The following EDAR variants were observed in gnomAD, a reference collection of about 807,000 sequenced individuals.
EDAR encodes the protein tumor necrosis factor receptor superfamily member EDAR.
Under a neutral mutation model 51.3 loss-of-function variants are expected in EDAR, and 38 were observed. The observed-to-expected ratio is 0.74, with a 90% CI of 0.57 to 0.97. The LOEUF is 0.97. EDAR is among the 50% of genes least tolerant of loss of function. The pLI is 0.00. For missense variants in EDAR, 528 were observed against 595.0 expected (o/e 0.89, Z 1.17); for synonymous variants, 227 against 242.1 (o/e 0.94, Z 0.58).
intron 4 of EDAR, among the ~76,000 whole-genome samples, chr2:108,927,540 T>C (rs557604892): frequency 3.3e-5 from 5 of 152,252 alleles, no homozygotes; most frequent in Admixed American, 1.3e-4. Flanking sequence ...ATGGACACCT[T>C]CTCAGGTCTG....
At position 108,911,052 on chromosome 2, in the gene EDAR, G is replaced by A; in HGVS notation, c.550C>T (p.Leu184=). 1 of 1,614,204 alleles carries A rather than the reference G, an allele frequency of 6.2e-7. No individual in the cohort carries two copies. Among genetic ancestry groups the A allele is most frequent in the South Asian group, 1.1e-5 (1 of 91,082 alleles). The part of the protein sequence containing the change: ...AHKELSGQGH[L]ATALIIAMST... ...ATTGCAATGATCAGGGCAGTGGCCA[G>A]GTGTCCTTGGCCTGAGAGTTCTGTG... The change falls in exon 7 of 12, where the codon CTG becomes TTG. Residue 184 remains leucine (L), a synonymous_variant. Transcript: ENST00000258443.
At chr2:108,968,588 T>C (rs1428329235) in intron 1 of EDAR, among the ~76,000 whole-genome samples, 1 of 152,216 alleles carries the variant, frequency 6.6e-6, no homozygotes, top group East Asian at 1.9e-4. Context: ...AGTCTGTCTG[T>C]GGCGCCTCCT....
chr2:108,982,332 C>A (rs1461133016), intron 1 of EDAR, among the ~76,000 whole-genome samples: 2 of 152,196 alleles, frequency 1.3e-5, no homozygotes, highest in Non-Finnish European at 2.9e-5. Context: ...AAGCCTCAGA[C>A]CCTCCCTGGT....
chr2:108,956,941 A>C (rs962574336), intron 1 of EDAR, among the ~76,000 whole-genome samples: 2 of 151,996 alleles, frequency 1.3e-5, no homozygotes, highest in African/African-American at 2.4e-5. Flanking sequence ...GGCACCTACC[A>C]CCACGCCCCG....
At chr2:108,929,056 G>T in intron 4 of EDAR, 142 bp downstream of exon 4, 1 of 968,810 alleles carries the variant, frequency 1.0e-6, no homozygotes. Flanking sequence ...GCTGCTCCTT[G>T]TGGGATGGGA....
intron 1 of EDAR, among the ~76,000 whole-genome samples, chr2:108,969,135 G>A (rs1384395810): frequency 6.6e-6 from 1 of 152,124 alleles, no homozygotes; most frequent in Non-Finnish European, 1.5e-5. Flanking sequence ...ATTCAACAAG[G>A]GTGATGAAGA....
chr2:108,983,250 C>T (rs1224001705), intron 1 of EDAR, among the ~76,000 whole-genome samples: 1 of 152,136 alleles, frequency 6.6e-6, no homozygotes, highest in Non-Finnish European at 1.5e-5. Context: ...TTAGGAACAG[C>T]CATTTTGAGT....
intron 1 of EDAR, among the ~76,000 whole-genome samples, chr2:108,982,568 A>C (rs1698437292): frequency 6.6e-6 from 1 of 152,260 alleles, no homozygotes; most frequent in Non-Finnish European, 1.5e-5. Flanking sequence ...CAACTGTGAT[A>C]ATCATCAGGA....
chr2:108,927,990 G>A lies in EDAR; in HGVS notation c.356+1208C>T, dbSNP rs370101837. On this transcript the variant is annotated intron_variant, in intron 4 of 11. Coordinates refer to ENST00000258443, the MANE Select transcript of EDAR (RefSeq NM_022336.4). ...CAGATTCTTCCTCTCCTCCACCCCC[G>A]GTGCCTCTGCTCCAGCCCTCTCCCT... Among the ~76,000 whole-genome samples the A allele has an allele frequency of 5.9e-5, 9 of 151,952 alleles. No homozygotes were observed. In the East Asian group the frequency reaches 1.6e-3, roughly 26 times the overall value.
chr2:108,929,136 G>C, intron 4 of EDAR, 62 bp downstream of exon 4: 1 of 1,593,422 alleles, frequency 6.3e-7, no homozygotes, highest in Non-Finnish European at 8.6e-7. Context: ...GTCCTTGCCC[G>C]TAGCCCCTCG....
At chr2:108,974,324 C>A (rs1183202411) in intron 1 of EDAR, among the ~76,000 whole-genome samples, 3 of 93,006 alleles carry the variant, frequency 3.2e-5, no homozygotes, top group South Asian at 5.2e-4. Flanking sequence ...AGCGAGGATC[C>A]GTCTCAAAAA....
chr2:108,908,732 A>C (rs1382755070), intron 9 of EDAR, among the ~76,000 whole-genome samples: 1 of 152,226 alleles, frequency 6.6e-6, no homozygotes, highest in Non-Finnish European at 1.5e-5. Flanking sequence ...ATGAAAAACA[A>C]TATTCTTTTT....
intron 1 of EDAR, among the ~76,000 whole-genome samples, chr2:108,958,635 G>A (rs2104394452): frequency 6.6e-6 from 1 of 152,352 alleles, no homozygotes; most frequent in Non-Finnish European, 1.5e-5. Context: ...AGCAATGGCA[G>A]AGCCAGGAGT....
chr2:108,910,663 C>A, intron 8 of EDAR, 113 bp downstream of exon 8: 1 of 1,430,176 alleles, frequency 7.0e-7, no homozygotes, highest in Non-Finnish European at 9.8e-7. Context: ...ACGGTAAGCA[C>A]AGTATGGTTC....
Position 108,946,775 on chromosome 2 carries a change from T to A in EDAR, c.-18-15743A>T, listed in dbSNP as rs533527250. Among the ~76,000 whole-genome samples, 24 of 152,288 alleles carry A rather than the reference T, an allele frequency of 1.6e-4. No individual in the cohort carries two copies. In the South Asian group the frequency reaches 4.4e-3, roughly 28 times the overall value. The stretch of plus-strand genomic sequence containing the variant: ...GAACATCATGGGGGAAAGCGCCCCA[T>A]GATCCAATCACCTCCCACCATGTTT... On this transcript the variant is annotated intron_variant, in intron 1 of 11. Coordinates refer to ENST00000258443, the MANE Select transcript of EDAR (RefSeq NM_022336.4).
intron 9 of EDAR, 101 bp downstream of exon 9, chr2:108,910,359 C>A: frequency 1.0e-6 from 1 of 960,156 alleles, no homozygotes; most frequent in East Asian, 2.4e-5. Flanking sequence ...CATAGTGTCC[C>A]AGGCTAGCCT....
chr2:108,940,548 G>C (rs1697574639), intron 1 of EDAR, among the ~76,000 whole-genome samples: 1 of 152,266 alleles, frequency 6.6e-6, no homozygotes, highest in Non-Finnish European at 1.5e-5. Context: ...CTGAGCCCCA[G>C]ATCGGGCGGA....
rs535840595 is a variant in EDAR at position 108,910,594 on chromosome 2, A to C, written c.731-62T>G. On this transcript the variant is annotated intron_variant, in intron 8 of 11. Coordinates refer to ENST00000258443, the MANE Select transcript of EDAR (RefSeq NM_022336.4). Reference sequence around the variant, plus strand: ...AGAATTGGCTCATGGCTCTGCGCTCAGCCCAACCCTGCTCTTCCTGTTGGG... The same window carrying C: ...AGAATTGGCTCATGGCTCTGCGCTCCGCCCAACCCTGCTCTTCCTGTTGGG... The C allele has an allele frequency of 6.2e-4, 911 of 1,471,752 alleles. 9 individuals are homozygous for C. The South Asian group carries it at 8.7e-3, about 14-fold the overall frequency. The allele number at this position is 1,471,752 out of a possible 1,614,324, so 91.2% of individuals were successfully genotyped here.
At chr2:108,956,074 G>A (rs181670950) in intron 1 of EDAR, among the ~76,000 whole-genome samples, 14 of 152,132 alleles carry the variant, frequency 9.2e-5, no homozygotes, top group African/African-American at 2.9e-4. Context: ...AACACTGTTC[G>A]GGCTACTTGT....
Sources: gnomAD v4.1 joint callset for allele counts (sites outside exome capture counted in the v4.1 genomes callset) on GRCh38, gnomAD v4.1.1 for gene constraint, MANE v1.5 for transcripts, NCBI Gene and HGNC (gene_info 2026-07-23, HGNC 2026-07-21) for gene names.